Variants in HDAC9 observed in about 807,000 individuals in gnomAD.
HDAC9 encodes histone deacetylase 9.
In HDAC9, 41 loss-of-function variants were observed where a neutral mutation model predicts 139.4. The observed-to-expected ratio is 0.29, with a 90% CI of 0.23 to 0.38. The LOEUF (loss-of-function observed/expected upper bound fraction) is 0.38, where lower values mean the gene tolerates loss of function less well. HDAC9 is among the 10% of genes least tolerant of loss of function. The pLI is 1.00. For missense variants in HDAC9, 1,147 were observed against 1,297.0 expected (o/e 0.88, Z 1.78); for synonymous variants, 517 against 476.2 (o/e 1.09, Z -1.12).
rs1182807502 is a variant in HDAC9, at chr7:18,496,283, A to T, written c.-20A>T. ...TCAGATGGGGTGGCTGGACGAGAGC[A>T]GCTCTTGGCTCAGCAAAGAATGCAC... On this transcript the variant is annotated 5_prime_UTR_variant, in exon 2 of 26. Coordinates refer to ENST00000686413, the MANE Select transcript of HDAC9 (RefSeq NM_178425.4). 1.9e-6 allele frequency: 3 copies of T among 1,613,230 alleles called. No individual in the cohort carries two copies. The South Asian group carries it at 3.3e-5, about 18-fold the overall frequency.
intron 22 of HDAC9, among the ~76,000 whole-genome samples, chr7:18,876,016 A>C (rs1181053533): frequency 6.6e-6 from 1 of 152,168 alleles, no homozygotes; most frequent in Admixed American, 6.5e-5. Context: ...TCTCCTTGCC[A>C]CAGGGAAAGG....
At chr7:18,957,064 A>G (rs1256953458) in intron 24 of HDAC9, among the ~76,000 whole-genome samples, 1 of 152,216 alleles carries the variant, frequency 6.6e-6, no homozygotes, top group Non-Finnish European at 1.5e-5. Context: ...TGATAGTAGC[A>G]TCACCACAAG....
intron 2 of HDAC9, among the ~76,000 whole-genome samples, chr7:18,546,051 T>C (rs2128636254): frequency 6.6e-6 from 1 of 152,328 alleles, no homozygotes; most frequent in Non-Finnish European, 1.5e-5. Context: ...TGTGATCTTA[T>C]TCTGCAGGAA....
intron 1 of HDAC9, among the ~76,000 whole-genome samples, chr7:18,486,036 CCTT>C (rs1486922769): frequency 6.6e-6 from 1 of 152,056 alleles, no homozygotes; most frequent in Non-Finnish European, 1.5e-5. Flanking sequence ...TCTTGTGTGG[CCTT>C]CTTATTTCAT....
intron 2 of HDAC9, among the ~76,000 whole-genome samples, chr7:18,567,991 C>T (rs183143828): frequency 1.5e-5 from 2 of 133,106 alleles, no homozygotes; most frequent in East Asian, 2.0e-4. Context: ...TATACTGGGG[C>T]CTTGTTAGTT....
chr7:18,618,594 C>A (rs953847021), intron 6 of HDAC9, among the ~76,000 whole-genome samples: 25 of 151,828 alleles, frequency 1.6e-4, no homozygotes, highest in Non-Finnish European at 3.2e-4. Context: ...CTCACGCAGT[C>A]AGTTCACATG....
chr7:18,410,378 C>G (rs1225912254), intron 1 of HDAC9, among the ~76,000 whole-genome samples: 16 of 152,122 alleles, frequency 1.1e-4, no homozygotes, highest in Admixed American at 1.0e-3. Flanking sequence ...ATGAACAATC[C>G]TGTTGGGCTT....
intron 2 of HDAC9, among the ~76,000 whole-genome samples, chr7:18,186,926 A>T (rs1015831202): frequency 6.6e-5 from 10 of 152,222 alleles, no homozygotes; most frequent in African/African-American, 2.4e-4. Context: ...CTACAGAACT[A>T]CTTAAATTAG....
intron 2 of HDAC9, among the ~76,000 whole-genome samples, chr7:18,257,980 C>A (rs1795393561): frequency 6.6e-6 from 1 of 152,180 alleles, no homozygotes; most frequent in African/African-American, 2.4e-5. Flanking sequence ...GACTCTCCAA[C>A]CCCATCTCAG....
intron 1 of HDAC9, among the ~76,000 whole-genome samples, chr7:18,485,590 G>A (rs1281600059): frequency 6.6e-6 from 1 of 151,670 alleles, no homozygotes; most frequent in Non-Finnish European, 1.5e-5. Context: ...AGAATTCTAA[G>A]TAGTCCTTCA....
intron 6 of HDAC9, among the ~76,000 whole-genome samples, chr7:18,614,775 T>A (rs1001113578): frequency 1.3e-5 from 2 of 152,200 alleles, no homozygotes; most frequent in Non-Finnish European, 2.9e-5. Flanking sequence ...AGTGTTCTTC[T>A]TTGAGCCCCT....
intron 25 of HDAC9, among the ~76,000 whole-genome samples, chr7:18,977,915 G>GACACACACACAC (rs1234499048): frequency 1.9e-5 from 2 of 103,124 alleles, no homozygotes; most frequent in African/African-American, 7.0e-5. Flanking sequence ...GAGACAGACA[G>GACACACACACAC]ACAGACACAC....
At chr7:18,904,217 C>T (rs1211774693) in intron 22 of HDAC9, among the ~76,000 whole-genome samples, 2 of 152,174 alleles carry the variant, frequency 1.3e-5, no homozygotes, top group South Asian at 2.1e-4. Flanking sequence ...TTCTGCTTTA[C>T]ATATTCATAC....
At chr7:18,606,697 TA>T (rs1835610010) in intron 6 of HDAC9, among the ~76,000 whole-genome samples, 1 of 152,190 alleles carries the variant, frequency 6.6e-6, no homozygotes, top group Non-Finnish European at 1.5e-5. Context: ...TTTAAAGTAA[TA>T]TTTTTTTCTA....
At chr7:18,932,718 A>C (rs1426836256) in intron 22 of HDAC9, among the ~76,000 whole-genome samples, 1 of 152,056 alleles carries the variant, frequency 6.6e-6, no homozygotes, top group Non-Finnish European at 1.5e-5. Flanking sequence ...TATCTATCTT[A>C]GCTTTTGCCA....
chr7:18,903,896 A>G (rs957383604), intron 22 of HDAC9, among the ~76,000 whole-genome samples: 6 of 152,134 alleles, frequency 3.9e-5, no homozygotes, highest in African/African-American at 1.4e-4. Flanking sequence ...AATGTTCCAA[A>G]TGGAATTGGA....
At chr7:18,643,666 C>G (rs1268302633) in intron 8 of HDAC9, among the ~76,000 whole-genome samples, 4 of 152,032 alleles carry the variant, frequency 2.6e-5, no homozygotes, top group Non-Finnish European at 5.9e-5. Flanking sequence ...CTACAGCTCC[C>G]CCAAACATGC....
intron 1 of HDAC9, among the ~76,000 whole-genome samples, chr7:18,087,375 G>C (rs1781865668): frequency 6.6e-6 from 1 of 152,182 alleles, no homozygotes; most frequent in South Asian, 2.1e-4. Flanking sequence ...GCATCTCGCA[G>C]CCCGGAGACC....
intron 1 of HDAC9, among the ~76,000 whole-genome samples, chr7:18,385,192 A>G (rs974828403): frequency 1.3e-5 from 2 of 152,166 alleles, no homozygotes; most frequent in Non-Finnish European, 2.9e-5. Context: ...CTGCAAAAAG[A>G]GGCAAAGTGA....
Sources: allele counts gnomAD v4.1 joint callset (sites outside exome capture counted in the v4.1 genomes callset), GRCh38; gene constraint gnomAD v4.1.1; transcripts MANE v1.5; gene names NCBI Gene and HGNC (gene_info 2026-07-23, HGNC 2026-07-21).